Variants in FAM114A1 observed in about 807,000 individuals in gnomAD.
FAM114A1 encodes family with sequence similarity 114 member A1, also known as protein NOXP20.
In FAM114A1, 62 loss-of-function variants were observed where a neutral mutation model predicts 64.3. That is an observed-to-expected ratio of 0.96 (90% CI 0.79 to 1.19). The LOEUF is 1.19. FAM114A1 is among the 50% of genes most tolerant of loss of function. The pLI is 0.00. For synonymous variants in FAM114A1, 254 were observed against 251.1 expected (o/e 1.01, Z -0.11); for missense variants, 645 against 676.3 (o/e 0.95, Z 0.51).
Position 38,941,046 on chromosome 4 carries a change from G to A in FAM114A1, c.1590+25G>A, listed in dbSNP as rs749768290. The A allele has an allele frequency of 2.5e-6, 4 of 1,600,094 alleles. No individual in the cohort carries two copies. In the African/African-American group the frequency reaches 5.4e-5, roughly 22 times the overall value. On this transcript the variant is annotated intron_variant, in intron 14 of 14. Transcript: ENST00000358869. The stretch of plus-strand genomic sequence containing the variant: ...GGTAAGTGGCCTCTGGAGAGAAAGT[G>A]CTTCTGAATCAAAGTAAATGTTAGA...
chr4:38,903,957 G>A (rs1717751794), intron 4 of FAM114A1, among the ~76,000 whole-genome samples: 1 of 152,146 alleles, frequency 6.6e-6, no homozygotes, highest in African/African-American at 2.4e-5. Context: ...GGATAAATAA[G>A]GTTACAACTG....
At chr4:38,935,588 G>A (rs559736466) in intron 12 of FAM114A1, 130 bp from the exon 13 acceptor site, 5 of 593,702 alleles carry the variant, frequency 8.4e-6, no homozygotes, top group Non-Finnish European at 1.4e-5. Context: ...GCACATTTCT[G>A]TAGAGCATCT....
chr4:38,919,684 GGA>G (rs1203329562), intron 8 of FAM114A1, among the ~76,000 whole-genome samples: 1 of 152,166 alleles, frequency 6.6e-6, no homozygotes, highest in Non-Finnish European at 1.5e-5. Context: ...ATCAGCATAA[GGA>G]GAGAGAGTGT....
chr4:38,868,110 C>T lies in FAM114A1; in HGVS notation c.-158+276C>T, dbSNP rs371124579. ...CCGGGTCCACGCTCATGCACACACC[C>T]ACACGCCCACACTCAGGGTCTGCCC... On this transcript the variant is annotated intron_variant, in intron 1 of 14. Transcript: ENST00000358869. The T allele has an allele frequency of 7.2e-4, 197 of 275,330 alleles. 2 individuals carry two copies. Among genetic ancestry groups the T allele is most frequent in the African/African-American group, 4.2e-3 (183 of 44,020 alleles). The allele number at this position is 275,330 out of a possible 1,614,324, so 17.1% of individuals were successfully genotyped here.
intron 3 of FAM114A1, among the ~76,000 whole-genome samples, chr4:38,879,987 A>G (rs1374219894): frequency 6.6e-6 from 1 of 151,974 alleles, no homozygotes; most frequent in South Asian, 2.1e-4. Flanking sequence ...GATCACCTGA[A>G]CCCAGGTGGT....
At chr4:38,924,100 C>G (rs766516524) in intron 9 of FAM114A1, among the ~76,000 whole-genome samples, 1 of 152,064 alleles carries the variant, frequency 6.6e-6, no homozygotes, top group East Asian at 1.9e-4. Flanking sequence ...TGCTATATGG[C>G]GTTAAACAAG....
At chr4:38,873,617 A>G (rs531782563) in intron 2 of FAM114A1, among the ~76,000 whole-genome samples, 10 of 152,246 alleles carry the variant, frequency 6.6e-5, no homozygotes, top group Non-Finnish European at 1.5e-4. Context: ...GAAAATGTTC[A>G]ACCTGGAGGA....
intron 2 of FAM114A1, 113 bp from the exon 3 acceptor site, chr4:38,877,958 C>T (rs1221972203): frequency 5.3e-6 from 4 of 750,122 alleles, no homozygotes; most frequent in Non-Finnish European, 7.9e-6. Context: ...GAGCGAAACT[C>T]CGTCTCAAAA....
chr4:38,868,079 G>A (rs768142728), intron 1 of FAM114A1: 3 of 413,402 alleles, frequency 7.3e-6, no homozygotes, highest in Non-Finnish European at 1.5e-5. Flanking sequence ...GTGAGTGTGT[G>A]TCGCTCCGGG....
At chr4:38,895,885 A>G (rs994579806) in intron 4 of FAM114A1, among the ~76,000 whole-genome samples, 38 of 152,188 alleles carry the variant, frequency 2.5e-4, no homozygotes, top group African/African-American at 8.7e-4. Flanking sequence ...AGGCACAGGA[A>G]AAATACAGTA....
intron 7 of FAM114A1, among the ~76,000 whole-genome samples, chr4:38,913,968 C>T (rs1422069375): frequency 5.9e-5 from 9 of 151,622 alleles, no homozygotes; most frequent in Non-Finnish European, 8.8e-5. Flanking sequence ...GCTGTGGTGG[C>T]GGGTGCCTGT....
intron 7 of FAM114A1, among the ~76,000 whole-genome samples, chr4:38,910,059 C>G (rs866568244): frequency 1.1e-4 from 16 of 151,944 alleles, no homozygotes; most frequent in African/African-American, 3.6e-4. Context: ...ATGGTGAAAC[C>G]CTGTCTTTAC....
intron 11 of FAM114A1, 45 bp downstream of exon 11, chr4:38,931,657 G>A (rs1720654637): frequency 2.0e-6 from 3 of 1,527,044 alleles, no homozygotes; most frequent in East Asian, 2.4e-5. Flanking sequence ...ATAAGAGTGT[G>A]TTCATTTTAT....
At chr4:38,907,344 T>C (rs919782688) in intron 6 of FAM114A1, among the ~76,000 whole-genome samples, 3 of 152,130 alleles carry the variant, frequency 2.0e-5, no homozygotes, top group African/African-American at 7.2e-5. Flanking sequence ...GCACTATGAG[T>C]TTGTCTTCAG....
intron 3 of FAM114A1, among the ~76,000 whole-genome samples, chr4:38,883,417 A>G (rs2109571180): frequency 6.6e-6 from 1 of 152,314 alleles, no homozygotes; most frequent in South Asian, 2.1e-4. Flanking sequence ...CTAGCCAGTC[A>G]ACCCTTAAAA....
At chr4:38,869,264 T>C (rs1307582135) in intron 2 of FAM114A1, among the ~76,000 whole-genome samples, 1 of 152,178 alleles carries the variant, frequency 6.6e-6, no homozygotes, top group African/African-American at 2.4e-5. Flanking sequence ...GTTATTTCAT[T>C]GGAAGCAGTG....
chr4:38,939,955 C>G (rs1721461404), intron 13 of FAM114A1, among the ~76,000 whole-genome samples: 2 of 146,228 alleles, frequency 1.4e-5, no homozygotes, highest in Admixed American at 6.9e-5. Context: ...ATGGTGCCAT[C>G]TCGGCTCACT....
intron 2 of FAM114A1, among the ~76,000 whole-genome samples, chr4:38,872,670 A>G (rs1437939602): frequency 6.6e-6 from 1 of 152,204 alleles, no homozygotes; most frequent in African/African-American, 2.4e-5. Context: ...TAAGACAGGG[A>G]AATCTTTAGG....
At position 38,941,162 on chromosome 4, in the gene FAM114A1, G is replaced by T. The variant is rs566206683; in HGVS notation, c.1590+141G>T. On this transcript the variant is annotated intron_variant, in intron 14 of 14. Coordinates refer to ENST00000358869, the MANE Select transcript of FAM114A1 (RefSeq NM_138389.4). ...CATCAGGTCTTTTTTGAGTAAATTT[G>T]TGTAGCTCAACCAGCTGTAAACCCT... 7.2e-6 allele frequency: 5 copies of T among 699,154 alleles called. No individual in the cohort carries two copies. The African/African-American group carries it at 7.4e-5, about 10-fold the overall frequency. The allele number at this position is 699,154 out of a possible 1,614,324, so 43.3% of individuals were successfully genotyped here. A position where few individuals can be genotyped will look rare whatever the true frequency, so the allele number is the denominator to read the frequency against.
Sources: gnomAD v4.1 joint callset for allele counts (sites outside exome capture counted in the v4.1 genomes callset) on GRCh38, gnomAD v4.1.1 for gene constraint, MANE v1.5 for transcripts, NCBI Gene and HGNC (gene_info 2026-07-23, HGNC 2026-07-21) for gene names.